The following SMAD2 variants were observed in gnomAD, a reference collection of about 807,000 sequenced individuals.
SMAD2 encodes MAD homolog 2.
A neutral mutation model predicts 64.4 loss-of-function variants in SMAD2; 8 were observed. The ratio of observed to expected loss-of-function variants is 0.12; its 90% CI spans 0.07 to 0.22. The LOEUF is 0.22. SMAD2 is among the 10% of genes least tolerant of loss of function. The pLI, the probability that SMAD2 is intolerant of heterozygous loss-of-function variation, is 1.00. For missense variants in SMAD2, 289 were observed against 561.2 expected, an observed-to-expected ratio of 0.51 and a Z score of 4.90; for synonymous variants, 203 against 195.8, an observed-to-expected ratio of 1.04 and a Z score of -0.31.
At chr18:47,845,083 T>C (rs1375395621) in intron 10 of SMAD2, 4 of 605,644 alleles carry the variant, frequency 6.6e-6, no homozygotes, top group Non-Finnish European at 1.2e-5. Context: ...ACCCTTCATA[T>C]ACACCCCTTT....
At chr18:47,929,127 T>A (rs1377553992) in intron 1 of SMAD2, among the ~76,000 whole-genome samples, 1 of 152,232 alleles carries the variant, frequency 6.6e-6, no homozygotes, top group Non-Finnish European at 1.5e-5. Context: ...GGTACATTTA[T>A]GAAGCCCATT....
Position 47,835,856 on chromosome 18 carries a change from G to A in SMAD2, c.*5971C>T. The stretch of plus-strand genomic sequence containing the variant: ...AAGTAAATCAAAGAGCATATTTGGA[G>A]AAACTAAGAGCTGTTAACTGTTTGG... On this transcript the variant is annotated 3_prime_UTR_variant, in exon 11 of 11. Transcript: ENST00000262160. 5.0e-6 allele frequency: 1 copy of A among 201,498 alleles called. No individual in the cohort carries two copies. The highest frequency in any genetic ancestry group is 7.6e-5 in the East Asian group (1 of 13,088). The allele number at this position is 201,498 out of a possible 1,614,324, so 12.5% of individuals were successfully genotyped here.
intron 2 of SMAD2, among the ~76,000 whole-genome samples, chr18:47,870,962 T>C (rs1054299579): frequency 6.6e-6 from 1 of 152,228 alleles, no homozygotes; most frequent in Non-Finnish European, 1.5e-5. Context: ...TGATTTTTAA[T>C]ATAGAAAAAA....
In SMAD2 at chr18:47,891,271, C is replaced by T. The variant is rs551913039; in HGVS notation, c.236+5250G>A. ...AGTGAGCCGAGATCCCGCCACTGCA[C>T]CGCAGCCTGGGCAGTAAGAGCAAAA... On this transcript the variant is annotated intron_variant, in intron 2 of 10. Transcript: ENST00000262160. Among the ~76,000 whole-genome samples the T allele has an allele frequency of 2.6e-5, 4 of 152,322 alleles. No individual in the cohort carries two copies. In the South Asian group the frequency reaches 8.3e-4, roughly 32 times the overall value.
rs1914539499 is a variant in SMAD2, at chr18:47,846,811, C to T, written c.998-1011G>A. On this transcript the variant is annotated intron_variant, in intron 8 of 10. Coordinates refer to ENST00000262160, the MANE Select transcript of SMAD2 (RefSeq NM_005901.6). ...AACCCATGTCTGGACTCCTGACCCACAGAAACCGTGAGGTAAAAAACTGAT... is the reference window on the plus strand; with the variant it reads ...AACCCATGTCTGGACTCCTGACCCATAGAAACCGTGAGGTAAAAAACTGAT... Among the ~76,000 whole-genome samples the T allele has an allele frequency of 2.0e-5, 3 of 152,242 alleles. No homozygotes were observed. The South Asian group carries it at 6.2e-4, about 32-fold the overall frequency.
intron 2 of SMAD2, among the ~76,000 whole-genome samples, chr18:47,874,232 T>C (rs1024156353): frequency 1.3e-5 from 2 of 152,170 alleles, no homozygotes; most frequent in Non-Finnish European, 2.9e-5. Flanking sequence ...GGATCTTGAA[T>C]AGCAAAACAA....
rs999072110 is a variant in SMAD2, at chr18:47,828,048, C to T, written c.*13779G>A. On this transcript the variant is annotated 3_prime_UTR_variant, in exon 11 of 11. Transcript: ENST00000262160. ...TGAGATGTGGGGAGCGCCTCTGCCCCGCCGCCCCGTCTGGGATGTGAGGAG... is the reference window on the plus strand; with the variant it reads ...TGAGATGTGGGGAGCGCCTCTGCCCTGCCGCCCCGTCTGGGATGTGAGGAG... 15 of 173,222 alleles carry T rather than the reference C, an allele frequency of 8.7e-5. No homozygotes were observed. In the East Asian group the frequency reaches 1.1e-3, roughly 13 times the overall value. 10.7% of individuals were successfully genotyped at this position (173,222 alleles called of 1,614,324 possible).
intron 2 of SMAD2, among the ~76,000 whole-genome samples, chr18:47,888,200 A>G (rs1210750018): frequency 2.0e-5 from 3 of 151,100 alleles, no homozygotes; most frequent in East Asian, 1.9e-4. Context: ...AAAAAAGGGA[A>G]AAAAAAAAAA....
chr18:47,873,870 T>G (rs1185649523), intron 2 of SMAD2, among the ~76,000 whole-genome samples: 1 of 152,044 alleles, frequency 6.6e-6, no homozygotes, highest in Admixed American at 6.6e-5. Context: ...AGGGGGGTTG[T>G]TTTTAGAAAA....
At chr18:47,842,080 T>C in intron 10 of SMAD2, 130 bp from the exon 11 acceptor site, 3 of 962,090 alleles carry the variant, frequency 3.1e-6, no homozygotes, top group Non-Finnish European at 4.8e-6. Flanking sequence ...TTGGACACGA[T>C]TATTCCGCAA....
rs1406201206 is a variant in SMAD2 at position 47,851,140 on chromosome 18, C to T, written c.784+134G>A. 7.5e-6 allele frequency: 5 copies of T among 665,142 alleles called. No homozygotes were observed. The Admixed American group carries it at 1.2e-4, about 16-fold the overall frequency. 41.2% of individuals were successfully genotyped at this position (665,142 alleles called of 1,614,324 possible). On this transcript the variant is annotated intron_variant, in intron 7 of 10. Coordinates refer to ENST00000262160, the MANE Select transcript of SMAD2 (RefSeq NM_005901.6). ...TCTTTTTAAAAAGCACTACTTTAAC[C>T]ACATACATAATTATTTGGCTATTCA...
intron 1 of SMAD2, among the ~76,000 whole-genome samples, chr18:47,928,061 C>A (rs1342973450): frequency 2.0e-5 from 3 of 152,156 alleles, no homozygotes; most frequent in Non-Finnish European, 4.4e-5. Context: ...GGCTCTTCTA[C>A]ACCCATCAAA....
At chr18:47,919,439 CAG>C (rs10536018) in intron 1 of SMAD2, among the ~76,000 whole-genome samples, 40,808 of 146,224 alleles carry the variant, frequency 0.28, 6,573 homozygotes, top group East Asian at 0.39. Context: ...AACTAGACAA[CAG>C]AGTGTGACCT....
intron 1 of SMAD2, among the ~76,000 whole-genome samples, chr18:47,902,524 A>G (rs888905446): frequency 6.6e-6 from 1 of 152,236 alleles, no homozygotes; most frequent in Non-Finnish European, 1.5e-5. Flanking sequence ...TGGAGAGTTA[A>G]GATTTGAGAA....
rs895902491 is a variant in SMAD2, at chr18:47,924,701, G to C, written c.-54+5660C>G. 7.2e-5 allele frequency among the ~76,000 whole-genome samples: 11 copies of C among 152,152 alleles called. No individual in the cohort carries two copies. In the East Asian group the frequency reaches 7.7e-4, roughly 11 times the overall value. ...GGTCTCAAACTCCTGACCTCAAAGTGATCCGCCCGCCTCAGCCTCCCAAAG... is the reference window on the plus strand; with the variant it reads ...GGTCTCAAACTCCTGACCTCAAAGTCATCCGCCCGCCTCAGCCTCCCAAAG... On this transcript the variant is annotated intron_variant, in intron 1 of 10. Coordinates refer to ENST00000262160, the MANE Select transcript of SMAD2 (RefSeq NM_005901.6).
At chr18:47,883,925 C>G (rs534172217) in intron 2 of SMAD2, among the ~76,000 whole-genome samples, 16 of 152,252 alleles carry the variant, frequency 1.1e-4, no homozygotes, top group African/African-American at 3.6e-4. Flanking sequence ...CCTTCTGCCT[C>G]GAATCTGGGC....
rs1440142534 is a variant in SMAD2, at chr18:47,829,460, A to G, written c.*12367T>C. ...CAAATGGGGAAAGAGTGGATATAAA[A>G]AATATGCACCCACCTTCAATCAAAT... On this transcript the variant is annotated 3_prime_UTR_variant, in exon 11 of 11. Coordinates refer to ENST00000262160, the MANE Select transcript of SMAD2 (RefSeq NM_005901.6). 1 of 151,934 alleles carries G rather than the reference A, an allele frequency of 6.6e-6. No homozygotes were observed. Among genetic ancestry groups the G allele is most frequent in the African/African-American group, 2.4e-5 (1 of 41,374 alleles). The allele number at this position is 151,934 out of a possible 1,614,324, so 9.4% of individuals were successfully genotyped here. A position where few individuals can be genotyped will look rare whatever the true frequency, so the allele number is the denominator to read the frequency against.
intron 4 of SMAD2, 128 bp from the exon 5 acceptor site, chr18:47,868,585 A>C: frequency 2.8e-6 from 2 of 710,662 alleles, no homozygotes; most frequent in Non-Finnish European, 5.0e-6. Context: ...CCTACTCGAT[A>C]TATACTAGTT....
chr18:47,841,890 C>T lies in SMAD2; in HGVS notation c.1341G>A (p.Gln447=). The change falls in exon 11 of 11, where the codon CAG becomes CAA. Residue 447 remains glutamine (Q), a synonymous_variant. Coordinates refer to ENST00000262160, the MANE Select transcript of SMAD2 (RefSeq NM_005901.6). ...WIELHLNGPL[Q]WLDKVLTQMG... The stretch of plus-strand genomic sequence containing the variant: ...TCTGAGTTAATACTTTGTCCAACCA[C>T]TGTAGAGGTCCATTCAGATGAAGTT... 6.2e-7 allele frequency: 1 copy of T among 1,614,082 alleles called. No individual in the cohort carries two copies. The highest frequency in any genetic ancestry group is 8.5e-7 in the Non-Finnish European group (1 of 1,179,944).
Sources: allele counts gnomAD v4.1 joint callset (sites outside exome capture counted in the v4.1 genomes callset), GRCh38; gene constraint gnomAD v4.1.1; transcripts MANE v1.5; gene names NCBI Gene and HGNC (gene_info 2026-07-23, HGNC 2026-07-21).